ZFAND3: variants seen among roughly 807,000 people sequenced by gnomAD.
ZFAND3 encodes the protein zinc finger AN1-type containing 3.
In ZFAND3, 10 loss-of-function variants were observed where a neutral mutation model predicts 29.6. The observed-to-expected ratio is 0.34, with a 90% CI of 0.21 to 0.57. The LOEUF (loss-of-function observed/expected upper bound fraction) is 0.57, where lower values mean the gene tolerates loss of function less well. Ranked by LOEUF, ZFAND3 falls within the 20% of genes least tolerant of loss-of-function variation. ZFAND3 has a pLI of 0.86. For synonymous variants in ZFAND3, 128 were observed against 112.6 expected (o/e 1.14, Z -0.87); for missense variants, 230 against 304.5 (o/e 0.76, Z 1.82).
intron 1 of ZFAND3, among the ~76,000 whole-genome samples, chr6:37,844,755 C>G (rs890833642): frequency 2.6e-5 from 4 of 151,536 alleles, no homozygotes; most frequent in African/African-American, 2.4e-5. Flanking sequence ...TGGCTTACTC[C>G]TGTAATCCCA....
chr6:37,921,372 G>A (rs1561934804), intron 1 of ZFAND3, among the ~76,000 whole-genome samples: 1 of 148,820 alleles, frequency 6.7e-6, no homozygotes, highest in Admixed American at 6.7e-5. Flanking sequence ...TGCTGGTACT[G>A]TTTTTTTTTA....
intron 2 of ZFAND3, among the ~76,000 whole-genome samples, chr6:37,958,765 A>G (rs1275350596): frequency 6.6e-6 from 1 of 151,918 alleles, no homozygotes; most frequent in Non-Finnish European, 1.5e-5. Context: ...CGACGGACAA[A>G]ATGTACCTTG....
chr6:38,146,016 G>A (rs1766098973), intron 5 of ZFAND3, among the ~76,000 whole-genome samples: 1 of 152,140 alleles, frequency 6.6e-6, no homozygotes, highest in Non-Finnish European at 1.5e-5. Flanking sequence ...TGTGTCTTTG[G>A]TAGCAACAGT....
At chr6:38,002,534 C>G (rs1423198401) in intron 2 of ZFAND3, among the ~76,000 whole-genome samples, 1 of 151,832 alleles carries the variant, frequency 6.6e-6, no homozygotes, top group Non-Finnish European at 1.5e-5. Flanking sequence ...CAAAAATTAG[C>G]CTGGCTCGGT....
chr6:37,828,037 A>G (rs1763791036), intron 1 of ZFAND3, among the ~76,000 whole-genome samples: 1 of 152,196 alleles, frequency 6.6e-6, no homozygotes, highest in Non-Finnish European at 1.5e-5. Context: ...TTTCTGCTGA[A>G]GTAGAGTGGT....
At chr6:38,103,480 CACACATATAT>C in intron 4 of ZFAND3, among the ~76,000 whole-genome samples, 1 of 24,526 alleles carries the variant, frequency 4.1e-5, no homozygotes, top group East Asian at 9.0e-4. Flanking sequence ...TATATATATA[CACACATATAT>C]ACACGTGTAT....
intron 1 of ZFAND3, among the ~76,000 whole-genome samples, chr6:37,882,881 G>C (rs1178179937): frequency 6.6e-6 from 1 of 152,156 alleles, no homozygotes; most frequent in Non-Finnish European, 1.5e-5. Flanking sequence ...ACATTCCAGT[G>C]GTTGCTTAAT....
rs1417902208 is a variant in ZFAND3, at chr6:37,820,031, G to A, written c.71+15G>A. ...GGCTTCTGGGGGTAAGTGCCCGGCC[G>A]GGTGGGGGCGGGGGGCGGGGGCCGG... On this transcript the variant is annotated intron_variant, in intron 1 of 5. Coordinates refer to ENST00000287218, the MANE Select transcript of ZFAND3 (RefSeq NM_021943.3). 8.3e-7 allele frequency: 1 copy of A among 1,206,494 alleles called. No homozygotes were observed. The highest frequency in any genetic ancestry group is 1.0e-6 in the Non-Finnish European group (1 of 975,028). 74.7% of individuals were successfully genotyped at this position (1,206,494 alleles called of 1,614,324 possible).
intron 1 of ZFAND3, among the ~76,000 whole-genome samples, chr6:37,878,774 T>G (rs998316094): frequency 6.6e-6 from 1 of 152,170 alleles, no homozygotes; most frequent in Non-Finnish European, 1.5e-5. Flanking sequence ...GATTTTTTAG[T>G]GGCAAGGAAG....
intron 1 of ZFAND3, among the ~76,000 whole-genome samples, chr6:37,869,769 C>T (rs1413563086): frequency 6.6e-6 from 1 of 151,496 alleles, no homozygotes; most frequent in Non-Finnish European, 1.5e-5. Flanking sequence ...TGCCTTGCCT[C>T]ACAAAGTGCT....
intron 2 of ZFAND3, among the ~76,000 whole-genome samples, chr6:37,991,294 T>C (rs1762754508): frequency 6.6e-6 from 1 of 151,868 alleles, no homozygotes; most frequent in Admixed American, 6.6e-5. Context: ...TGTGATTATT[T>C]TTATTTTATT....
chr6:38,108,031 CA>C (rs1275307065), intron 4 of ZFAND3, among the ~76,000 whole-genome samples: 1 of 151,754 alleles, frequency 6.6e-6, no homozygotes, highest in African/African-American at 2.4e-5. Flanking sequence ...CCAAATGTAA[CA>C]CATGAAACTT....
intron 2 of ZFAND3, among the ~76,000 whole-genome samples, chr6:38,010,380 G>T (rs1226469832): frequency 6.6e-6 from 1 of 152,162 alleles, no homozygotes; most frequent in Non-Finnish European, 1.5e-5. Flanking sequence ...CTAATGAAAT[G>T]ATGTTGAAGG....
At chr6:37,998,934 C>G (rs549127976) in intron 2 of ZFAND3, among the ~76,000 whole-genome samples, 2 of 152,306 alleles carry the variant, frequency 1.3e-5, no homozygotes, top group South Asian at 2.1e-4. Context: ...TTTCCTTGCT[C>G]TGTCTGCTGA....
intron 1 of ZFAND3, among the ~76,000 whole-genome samples, chr6:37,820,575 C>T (rs1175481863): frequency 6.6e-6 from 1 of 152,172 alleles, no homozygotes; most frequent in East Asian, 1.9e-4. Context: ...CAGAACCAGG[C>T]TGGGGTAAAG....
At chr6:38,028,084 T>C (rs1235565194) in intron 2 of ZFAND3, among the ~76,000 whole-genome samples, 1 of 152,232 alleles carries the variant, frequency 6.6e-6, no homozygotes, top group Non-Finnish European at 1.5e-5. Flanking sequence ...CAGTTTCTTA[T>C]ATCATGGATG....
chr6:38,116,032 A>C (rs994417582), intron 4 of ZFAND3, among the ~76,000 whole-genome samples: 1 of 152,210 alleles, frequency 6.6e-6, no homozygotes, highest in Non-Finnish European at 1.5e-5. Flanking sequence ...TGTCTTTAAG[A>C]GTAGAAACGT....
intron 2 of ZFAND3, among the ~76,000 whole-genome samples, chr6:37,993,862 T>G (rs1762804044): frequency 6.6e-6 from 1 of 152,184 alleles, no homozygotes; most frequent in Non-Finnish European, 1.5e-5. Flanking sequence ...AGTATTTTTG[T>G]TTTGTTTATT....
intron 3 of ZFAND3, among the ~76,000 whole-genome samples, chr6:38,066,239 TA>T (rs1764344262): frequency 6.6e-6 from 1 of 152,180 alleles, no homozygotes; most frequent in Non-Finnish European, 1.5e-5. Flanking sequence ...GTGGATGCTT[TA>T]AAAATCAATG....
Sources: allele counts gnomAD v4.1 joint callset (sites outside exome capture counted in the v4.1 genomes callset), GRCh38; gene constraint gnomAD v4.1.1; transcripts MANE v1.5; gene names NCBI Gene and HGNC (gene_info 2026-07-23, HGNC 2026-07-21).